The following NCKAP5 variants were observed in gnomAD, a reference collection of about 807,000 sequenced individuals.
NCKAP5 encodes nck-associated protein 5.
NCKAP5 carries 92 observed loss-of-function variants against 167.0 expected under a neutral mutation model. The observed-to-expected ratio is 0.55, with a 90% CI of 0.47 to 0.66. NCKAP5 has a LOEUF of 0.66. Ranked by LOEUF, NCKAP5 falls within the 30% of genes least tolerant of loss-of-function variation. The pLI is 0.00. For missense variants in NCKAP5, 2,378 were observed against 2,315.0 expected (o/e 1.03, Z -0.56); for synonymous variants, 891 against 877.4 (o/e 1.02, Z -0.27).
chr2:133,518,642 C>T (rs964106644), intron 2 of NCKAP5, among the ~76,000 whole-genome samples: 3 of 152,012 alleles, frequency 2.0e-5, no homozygotes, highest in African/African-American at 7.3e-5. Flanking sequence ...GCATGAGCCA[C>T]CGCGCCTGGC....
intron 19 of NCKAP5, among the ~76,000 whole-genome samples, chr2:132,686,663 CT>C (rs1277271432): frequency 2.6e-5 from 4 of 152,174 alleles, no homozygotes; most frequent in African/African-American, 9.7e-5. Flanking sequence ...TAACTTTCAC[CT>C]CTCTAATGCC....
chr2:132,743,438 G>T (rs964082677), intron 16 of NCKAP5, among the ~76,000 whole-genome samples: 6 of 151,686 alleles, frequency 4.0e-5, no homozygotes, highest in Admixed American at 6.6e-5. Flanking sequence ...GAGGTTATAT[G>T]AAAATAGCCT....
chr2:133,310,766 GAA>G (rs1264050353), intron 3 of NCKAP5, among the ~76,000 whole-genome samples: 1 of 152,206 alleles, frequency 6.6e-6, no homozygotes, highest in Non-Finnish European at 1.5e-5. Context: ...TTAAGTAAGT[GAA>G]AGAGTGAATT....
At chr2:132,985,275 C>T (rs913573834) in intron 7 of NCKAP5, among the ~76,000 whole-genome samples, 2 of 152,092 alleles carry the variant, frequency 1.3e-5, no homozygotes, top group Non-Finnish European at 2.9e-5. Flanking sequence ...AAAGTAGAGT[C>T]AGAACCCATT....
intron 3 of NCKAP5, among the ~76,000 whole-genome samples, chr2:133,474,372 G>A (rs1360289305): frequency 6.6e-6 from 1 of 152,158 alleles, no homozygotes; most frequent in Admixed American, 6.5e-5. Context: ...GCAGAGAGTA[G>A]AATGATGGTT....
intron 5 of NCKAP5, among the ~76,000 whole-genome samples, chr2:133,160,948 G>A (rs2083770434): frequency 6.6e-6 from 1 of 152,112 alleles, no homozygotes; most frequent in African/African-American, 2.4e-5. Context: ...CAGCCCCCAA[G>A]CTGTGGACCG....
chr2:132,958,199 C>A (rs954658001), intron 8 of NCKAP5, among the ~76,000 whole-genome samples: 3 of 152,090 alleles, frequency 2.0e-5, no homozygotes, highest in Non-Finnish European at 4.4e-5. Context: ...GTAATCAGAA[C>A]AGTGTTTGGG....
At chr2:133,202,622 T>A (rs562820978) in intron 5 of NCKAP5, among the ~76,000 whole-genome samples, 2 of 152,106 alleles carry the variant, frequency 1.3e-5, no homozygotes, top group South Asian at 4.2e-4. Context: ...GGGAGAAAAT[T>A]TTTGCAATCT....
intron 8 of NCKAP5, among the ~76,000 whole-genome samples, chr2:132,945,432 T>G (rs1025153855): frequency 3.3e-5 from 5 of 151,914 alleles, no homozygotes; most frequent in Non-Finnish European, 5.9e-5. Context: ...GAAAGGAGGA[T>G]CTCTGTGCCC....
rs543096161 is a variant in NCKAP5 at position 132,896,431 on chromosome 2, C to T, written c.580-17515G>A. 1.2e-4 allele frequency among the ~76,000 whole-genome samples: 19 copies of T among 152,266 alleles called. No individual in the cohort carries two copies. The South Asian group carries it at 1.9e-3, about 15-fold the overall frequency. ...TCCTTCTAGCTTTTAAAATTTCCTC[C>T]GTTTCTTTGTGTAAGTGAGTGGGTA... On this transcript the variant is annotated intron_variant, in intron 8 of 19. Transcript: ENST00000409261.
intron 8 of NCKAP5, among the ~76,000 whole-genome samples, chr2:132,909,971 T>A (rs1380356165): frequency 1.3e-5 from 2 of 152,242 alleles, no homozygotes; most frequent in Non-Finnish European, 2.9e-5. Flanking sequence ...GCAGTCATTA[T>A]GCCCATTTTA....
intron 7 of NCKAP5, among the ~76,000 whole-genome samples, chr2:132,987,036 G>C (rs746872040): frequency 6.6e-6 from 1 of 152,164 alleles, no homozygotes; most frequent in Non-Finnish European, 1.5e-5. Flanking sequence ...CCAGGTGGAG[G>C]TTGCTAGGCG....
At chr2:133,246,084 A>G (rs1366130196) in intron 4 of NCKAP5, among the ~76,000 whole-genome samples, 1 of 152,108 alleles carries the variant, frequency 6.6e-6, no homozygotes, top group East Asian at 1.9e-4. Context: ...TGGAGTGGAA[A>G]CATGCATAGC....
intron 19 of NCKAP5, among the ~76,000 whole-genome samples, chr2:132,709,394 T>C (rs890182233): frequency 3.9e-5 from 6 of 151,934 alleles, no homozygotes; most frequent in African/African-American, 7.2e-5. Context: ...CACGATACAA[T>C]AGGTTCAGCC....
chr2:132,689,871 C>T (rs910478013), intron 19 of NCKAP5, among the ~76,000 whole-genome samples: 3 of 152,004 alleles, frequency 2.0e-5, no homozygotes, highest in African/African-American at 7.3e-5. Flanking sequence ...TACAGAGATC[C>T]AAATACCTAT....
intron 11 of NCKAP5, among the ~76,000 whole-genome samples, chr2:132,821,882 C>T (rs1574330937): frequency 6.6e-6 from 1 of 152,120 alleles, no homozygotes; most frequent in African/African-American, 2.4e-5. Context: ...CAAGGAGAGT[C>T]TGAGCCCACA....
rs77292513 is a variant in NCKAP5 at position 133,094,632 on chromosome 2, A to C, written c.341+35346T>G. 7.6e-4 allele frequency among the ~76,000 whole-genome samples: 116 copies of C among 152,324 alleles called. 1 individual carries two copies. In the East Asian group the frequency reaches 0.02, roughly 26 times the overall value. On this transcript the variant is annotated intron_variant, in intron 6 of 19. Coordinates refer to ENST00000409261, the MANE Select transcript of NCKAP5 (RefSeq NM_207363.3). ...GTCCTCTCTCATCCCTAGAACTGTCAAGATGATGAGATATCACACCCTGAT... is the reference window on the plus strand; with the variant it reads ...GTCCTCTCTCATCCCTAGAACTGTCCAGATGATGAGATATCACACCCTGAT...
chr2:133,275,922 C>G (rs1478495018), intron 4 of NCKAP5, among the ~76,000 whole-genome samples: 1 of 151,734 alleles, frequency 6.6e-6, no homozygotes, highest in Non-Finnish European at 1.5e-5. Flanking sequence ...CTGTGCAGAT[C>G]TACTTATACA....
intron 3 of NCKAP5, among the ~76,000 whole-genome samples, chr2:133,499,681 T>C (rs1376225595): frequency 6.6e-6 from 1 of 152,162 alleles, no homozygotes; most frequent in African/African-American, 2.4e-5. Context: ...TGCATCAGCC[T>C]CCCGAGTAGG....
Sources: gnomAD v4.1 joint callset for allele counts (sites outside exome capture counted in the v4.1 genomes callset) on GRCh38, gnomAD v4.1.1 for gene constraint, MANE v1.5 for transcripts, NCBI Gene and HGNC (gene_info 2026-07-23, HGNC 2026-07-21) for gene names.